ARHGAP24: variants seen among roughly 807,000 people sequenced by gnomAD.
The protein encoded by ARHGAP24 is Rho GTPase activating protein 24, also known as rho GTPase-activating protein 24.
In ARHGAP24, 50 loss-of-function variants were observed where a neutral mutation model predicts 76.4. The observed-to-expected ratio is 0.65, with a 90% CI of 0.52 to 0.83. The LOEUF (loss-of-function observed/expected upper bound fraction) is 0.83, where lower values mean the gene tolerates loss of function less well. Ranked by LOEUF, ARHGAP24 falls within the 40% of genes least tolerant of loss-of-function variation. ARHGAP24 has a pLI of 0.00. For missense variants in ARHGAP24, 930 were observed against 914.2 expected, an observed-to-expected ratio of 1.02 and a Z score of -0.22; for synonymous variants, 345 against 323.3, an observed-to-expected ratio of 1.07 and a Z score of -0.72.
intron 2 of ARHGAP24, among the ~76,000 whole-genome samples, chr4:85,610,234 G>A (rs1230435651): frequency 6.6e-6 from 1 of 151,946 alleles, no homozygotes. Flanking sequence ...ACGAGGTCAG[G>A]AGATTGAGAC....
At chr4:85,589,601 T>C (rs1290161911) in intron 2 of ARHGAP24, among the ~76,000 whole-genome samples, 1 of 152,202 alleles carries the variant, frequency 6.6e-6, no homozygotes, top group African/African-American at 2.4e-5. Flanking sequence ...TTCCTGTTAA[T>C]ATCTTCTACA....
At chr4:85,498,487 G>T (rs1456839520) in intron 1 of ARHGAP24, among the ~76,000 whole-genome samples, 1 of 152,248 alleles carries the variant, frequency 6.6e-6, no homozygotes, top group Non-Finnish European at 1.5e-5. Context: ...AGAGTGACCT[G>T]TGCCCTGTTT....
intron 2 of ARHGAP24, among the ~76,000 whole-genome samples, chr4:85,626,584 G>T (rs1273794183): frequency 6.6e-6 from 1 of 152,146 alleles, no homozygotes; most frequent in Admixed American, 6.5e-5. Context: ...GAGTAATTTT[G>T]TGGCATTCTC....
At chr4:85,848,264 A>G (rs960231102) in intron 3 of ARHGAP24, among the ~76,000 whole-genome samples, 4 of 152,120 alleles carry the variant, frequency 2.6e-5, no homozygotes, top group Non-Finnish European at 5.9e-5. Context: ...TACATGTGCC[A>G]TGTTGGTTTG....
chr4:85,490,085 T>G (rs947155164), intron 1 of ARHGAP24, among the ~76,000 whole-genome samples: 2 of 152,108 alleles, frequency 1.3e-5, no homozygotes, highest in African/African-American at 2.4e-5. Flanking sequence ...CATGCAAAGG[T>G]CATATTACCA....
intron 3 of ARHGAP24, among the ~76,000 whole-genome samples, chr4:85,850,954 G>A (rs886145245): frequency 9.9e-5 from 15 of 152,184 alleles, no homozygotes; most frequent in African/African-American, 3.6e-4. Flanking sequence ...TTCTGTAGAT[G>A]TCTATTAGGT....
At chr4:85,558,965 C>T (rs1394820599) in intron 1 of ARHGAP24, among the ~76,000 whole-genome samples, 1 of 152,150 alleles carries the variant, frequency 6.6e-6, no homozygotes, top group Non-Finnish European at 1.5e-5. Flanking sequence ...GTCAGACTCA[C>T]TAAAGGAACC....
intron 2 of ARHGAP24, among the ~76,000 whole-genome samples, chr4:85,637,517 A>G (rs946795384): frequency 2.0e-5 from 3 of 152,098 alleles, no homozygotes; most frequent in Admixed American, 6.6e-5. Flanking sequence ...GCCAATAGCC[A>G]TACATTGTAA....
At chr4:85,719,720 T>C (rs1229186215) in intron 2 of ARHGAP24, among the ~76,000 whole-genome samples, 1 of 152,142 alleles carries the variant, frequency 6.6e-6, no homozygotes, top group Admixed American at 6.6e-5. Flanking sequence ...TTGGCATTGG[T>C]AGTAAATTAG....
intron 3 of ARHGAP24, among the ~76,000 whole-genome samples, chr4:85,863,248 C>A (rs1732004356): frequency 6.6e-6 from 1 of 152,008 alleles, no homozygotes; most frequent in Non-Finnish European, 1.5e-5. Context: ...CAGGCTAACT[C>A]GTTTACTTTC....
At chr4:85,538,769 T>G (rs1302836649) in intron 1 of ARHGAP24, among the ~76,000 whole-genome samples, 1 of 152,200 alleles carries the variant, frequency 6.6e-6, no homozygotes, top group Non-Finnish European at 1.5e-5. Flanking sequence ...TATAGAGATG[T>G]GTATACCTAT....
chr4:85,622,685 A>G (rs970048222), intron 2 of ARHGAP24, among the ~76,000 whole-genome samples: 2 of 152,164 alleles, frequency 1.3e-5, no homozygotes, highest in African/African-American at 4.8e-5. Context: ...GTCTTCCACA[A>G]TGGTTGAACT....
chr4:85,913,387 A>G (rs1253263938), intron 3 of ARHGAP24, among the ~76,000 whole-genome samples: 1 of 151,684 alleles, frequency 6.6e-6, no homozygotes, highest in African/African-American at 2.4e-5. Flanking sequence ...CTTGTAGTCT[A>G]TATTCACACA....
rs551697052 is a variant in ARHGAP24, at chr4:85,972,167, C to T, written c.731C>T (p.Ala244Val). 6.8e-6 allele frequency: 11 copies of T among 1,613,254 alleles called. No homozygotes were observed. In the South Asian group the frequency reaches 7.7e-5, roughly 11 times the overall value. Reference protein sequence around the residue: ...CAKLLSKEEEAGVKELAKQVK... With the variant: ...CAKLLSKEEEVGVKELAKQVK... The stretch of plus-strand genomic sequence containing the variant: ...AAACTGCTCAGCAAGGAAGAGGAAG[C>T]AGTAAGTTGATGCATTTATTTCCAA... Residue 244 changes from alanine (A) to valine (V), a missense_variant and splice_region_variant, in exon 6 of 10, where the codon GCA becomes GTA. Ala to Val is a moderately conservative substitution (Grantham distance 64, BLOSUM62 0). Transcript: ENST00000395184.
chr4:85,849,047 A>G (rs1731062462), intron 3 of ARHGAP24, among the ~76,000 whole-genome samples: 1 of 147,798 alleles, frequency 6.8e-6, no homozygotes, highest in Non-Finnish European at 1.5e-5. Flanking sequence ...CAGTATGGCC[A>G]TTTTCACGAT....
Position 85,750,485 on chromosome 4 carries a change from C to CTT in ARHGAP24, c.268+28542_268+28543dup, listed in dbSNP as rs60635375. Among the ~76,000 whole-genome samples, 211 of 61,638 alleles carry CTT rather than the reference C, an allele frequency of 3.4e-3. 14 individuals carry two copies. The highest frequency in any genetic ancestry group is 7.0e-3 in the African/African-American group (102 of 14,552). The allele number at this position is 61,638 out of a possible 152,430, so 40.4% of individuals were successfully genotyped here. A position where few individuals can be genotyped will look rare whatever the true frequency, so the allele number is the denominator to read the frequency against. ...GGGATTAACATGACTCTTTTCATTCCTTTTTTTTTTTTTTTTTTTTTTTTT... is the reference window on the plus strand; with the variant it reads ...GGGATTAACATGACTCTTTTCATTCCTTTTTTTTTTTTTTTTTTTTTTTTTTT... On this transcript the variant is annotated intron_variant, in intron 3 of 9. Coordinates refer to ENST00000395184, the MANE Select transcript of ARHGAP24 (RefSeq NM_001025616.3).
chr4:85,965,065 C>T (rs1473901195), intron 5 of ARHGAP24, among the ~76,000 whole-genome samples: 6 of 152,034 alleles, frequency 3.9e-5, no homozygotes, highest in African/African-American at 1.5e-4. Flanking sequence ...AAGCTGGGCA[C>T]TATATTAGTC....
intron 3 of ARHGAP24, among the ~76,000 whole-genome samples, chr4:85,887,796 C>T (rs1300593142): frequency 6.6e-6 from 1 of 152,018 alleles, no homozygotes; most frequent in Non-Finnish European, 1.5e-5. Flanking sequence ...TGTCATGTAC[C>T]TATGACAAGT....
At chr4:85,913,798 C>G (rs1735217027) in intron 3 of ARHGAP24, among the ~76,000 whole-genome samples, 3 of 152,088 alleles carry the variant, frequency 2.0e-5, no homozygotes, top group Admixed American at 6.5e-5. Context: ...CAAGTGTCAT[C>G]TGATATTATG....
Sources: gnomAD v4.1 joint callset for allele counts (sites outside exome capture counted in the v4.1 genomes callset) on GRCh38, gnomAD v4.1.1 for gene constraint, MANE v1.5 for transcripts, NCBI Gene and HGNC (gene_info 2026-07-23, HGNC 2026-07-21) for gene names.